FANCB: variants seen among roughly 807,000 people sequenced by gnomAD.
FANCB encodes the protein FA complementation group B.
FANCB carries 5 observed loss-of-function variants against 38.9 expected under a neutral mutation model. That is an observed-to-expected ratio of 0.13 (90% CI 0.07 to 0.27). The LOEUF is 0.27. Among genes scored for constraint, FANCB ranks in the 10% least tolerant of loss-of-function variants. The probability of loss-of-function intolerance (pLI) is 1.00; values close to 1 mark genes in which losing one functional copy is unlikely to be tolerated. For synonymous variants in FANCB, 236 were observed against 215.4 expected, an observed-to-expected ratio of 1.10 and a Z score of -0.84; for missense variants, 573 against 602.7, an observed-to-expected ratio of 0.95 and a Z score of 0.52.
At chrX:14,828,343 C>T in the FANCB span, among the ~76,000 whole-genome samples, 7,112 of 111,894 alleles carry the variant, frequency 0.064, 231 homozygotes, top group Middle Eastern at 0.097. Context: ...CATTTCATTG[C>T]ATTTTACCCA....
chrX:14,826,516 A>T, the FANCB span, among the ~76,000 whole-genome samples: 1 of 112,517 alleles, frequency 8.9e-6, no homozygotes, highest in Non-Finnish European at 1.9e-5. Flanking sequence ...TTTCACTCTT[A>T]AGTGAAAGTC....
At position 14,865,281 on chromosome X, in the gene FANCB, A is replaced by G. The variant is rs753536320; in HGVS notation, c.230T>C (p.Met77Thr). The G allele has an allele frequency of 5.2e-6, 6 of 1,155,581 alleles. No individual in the cohort carries two copies. Among genetic ancestry groups the G allele is most frequent in the Non-Finnish European group, 6.9e-6 (6 of 868,285 alleles). ...GAAATCTGACACACAGTTGCAACACATGATTTTTAAATGAGAGTTTTCTTC... is the reference window on the plus strand; with the variant it reads ...GAAATCTGACACACAGTTGCAACACGTGATTTTTAAATGAGAGTTTTCTTC... ...IKEENSHLKIMCCNCVSDFRT... is the reference protein window; with the variant it reads ...IKEENSHLKITCCNCVSDFRT... The change falls in exon 3 of 10, where the codon ATG (methionine) becomes ACG (threonine). Residue 77 changes from methionine to threonine, a missense_variant. Coordinates refer to ENST00000650831, the MANE Select transcript of FANCB (RefSeq NM_001018113.3).
the FANCB span, among the ~76,000 whole-genome samples, chrX:14,776,061 C>A: frequency 1.2e-5 from 1 of 82,798 alleles, no homozygotes; most frequent in Non-Finnish European, 2.1e-5. Context: ...AAGAAAAATT[C>A]GTGATTTGTT....
At chrX:14,728,182 A>G in the FANCB span, among the ~76,000 whole-genome samples, 1 of 111,030 alleles carries the variant, frequency 9.0e-6, no homozygotes, top group Non-Finnish European at 1.9e-5. Context: ...TGAGCCCAGG[A>G]GTTCAAGACC....
the FANCB span, among the ~76,000 whole-genome samples, chrX:14,819,080 A>G: frequency 1.8e-5 from 2 of 112,658 alleles, no homozygotes; most frequent in Non-Finnish European, 3.7e-5. Context: ...AACTAATAGT[A>G]ATTCAAAGTT....
the FANCB span, among the ~76,000 whole-genome samples, chrX:14,778,710 A>G: frequency 1.8e-5 from 2 of 112,362 alleles, no homozygotes; most frequent in Non-Finnish European, 3.8e-5. Flanking sequence ...GCACAATCTA[A>G]GACTATGAGT....
chrX:14,845,678 A>G (rs908465899), intron 7 of FANCB, among the ~76,000 whole-genome samples: 1 of 111,736 alleles, frequency 8.9e-6, no homozygotes, highest in Non-Finnish European at 1.9e-5. Context: ...TTTTTAAACA[A>G]GAAAAAACCT....
chrX:14,816,627 C>A, the FANCB span, among the ~76,000 whole-genome samples: 1 of 112,013 alleles, frequency 8.9e-6, no homozygotes. Context: ...GCCTTTCTGG[C>A]CTCTACCCAC....
the FANCB span, among the ~76,000 whole-genome samples, chrX:14,780,543 A>G: frequency 1.5e-4 from 17 of 111,252 alleles, 2 homozygotes; most frequent in African/African-American, 5.4e-4. Context: ...ATACTTGATT[A>G]ACAATGTTAC....
the FANCB span, among the ~76,000 whole-genome samples, chrX:14,776,388 C>A: frequency 8.9e-6 from 1 of 111,945 alleles, no homozygotes; most frequent in African/African-American, 3.2e-5. Flanking sequence ...GGGGAAAGAG[C>A]AACAGTTCAA....
At chrX:14,798,249 G>A in the FANCB span, among the ~76,000 whole-genome samples, 9 of 109,566 alleles carry the variant, frequency 8.2e-5, no homozygotes, top group Non-Finnish European at 1.7e-4. Flanking sequence ...TGCAAGCTCC[G>A]CCTCCCAGGT....
the FANCB span, among the ~76,000 whole-genome samples, chrX:14,747,647 T>A: frequency 1.8e-5 from 2 of 112,271 alleles, no homozygotes; most frequent in African/African-American, 6.5e-5. Context: ...GTGCTCCAAG[T>A]ATCAACAGAG....
chrX:14,755,660 T>A, the FANCB span, among the ~76,000 whole-genome samples: 2 of 111,543 alleles, frequency 1.8e-5, no homozygotes, highest in Non-Finnish European at 3.8e-5. Context: ...AGGATACATA[T>A]AAACAGAAAG....
chrX:14,711,173 T>G, the FANCB span, among the ~76,000 whole-genome samples: 1 of 112,411 alleles, frequency 8.9e-6, no homozygotes, highest in Non-Finnish European at 1.9e-5. Context: ...TGTTGTTCCT[T>G]CTATTCTTGT....
the FANCB span, among the ~76,000 whole-genome samples, chrX:14,803,973 G>A: frequency 9.0e-6 from 1 of 111,489 alleles, no homozygotes; most frequent in Non-Finnish European, 1.9e-5. Flanking sequence ...TCATTAAAAA[G>A]TCAGGAAACA....
chrX:14,809,857 T>A, the FANCB span, among the ~76,000 whole-genome samples: 2 of 112,574 alleles, frequency 1.8e-5, no homozygotes, highest in African/African-American at 3.2e-5. Flanking sequence ...GCTGGAGATC[T>A]GAGAACGGGC....
chrX:14,779,898 C>T, the FANCB span, among the ~76,000 whole-genome samples: 1 of 110,899 alleles, frequency 9.0e-6, no homozygotes, highest in African/African-American at 3.4e-5. Flanking sequence ...AGAATTGCTA[C>T]ATTAATAAAC....
In FANCB at chrX:14,868,909, A is replaced by G. The variant is rs1247393149; in HGVS notation, c.-71+14T>C. The stretch of plus-strand genomic sequence containing the variant: ...AAAACAGGTAAATAAGAAAAAAAGA[A>G]GTCATTGGCTTACTGGTTTGTTGTT... On this transcript the variant is annotated intron_variant, in intron 2 of 9. Coordinates refer to ENST00000650831, the MANE Select transcript of FANCB (RefSeq NM_001018113.3). 1.8e-5 allele frequency: 2 copies of G among 111,811 alleles called. No homozygotes were observed. Among genetic ancestry groups the G allele is most frequent in the African/African-American group, 6.5e-5 (2 of 30,797 alleles). 9.2% of individuals were successfully genotyped at this position (111,811 alleles called of 1,213,427 possible). A position where few individuals can be genotyped will look rare whatever the true frequency, so the allele number is the denominator to read the frequency against.
the FANCB span, among the ~76,000 whole-genome samples, chrX:14,796,123 C>T: frequency 9.0e-6 from 1 of 111,257 alleles, no homozygotes; most frequent in Admixed American, 9.7e-5. Context: ...TAACCAATTG[C>T]CACAAAACTT....
Sources: gnomAD v4.1 joint callset for allele counts (sites outside exome capture counted in the v4.1 genomes callset) on GRCh38, gnomAD v4.1.1 for gene constraint, MANE v1.5 for transcripts, NCBI Gene and HGNC (gene_info 2026-07-23, HGNC 2026-07-21) for gene names.